CRISPLD2: variants seen among roughly 807,000 people sequenced by gnomAD.
The protein encoded by CRISPLD2 is cysteine-rich secretory protein LCCL domain-containing 2.
In CRISPLD2, 47 loss-of-function variants were observed where a neutral mutation model predicts 71.1. The observed-to-expected ratio is 0.66, with a 90% CI of 0.52 to 0.84. The LOEUF is 0.84. CRISPLD2 is among the 40% of genes least tolerant of loss of function. CRISPLD2 has a pLI of 0.00. For missense variants in CRISPLD2, 830 were observed against 651.1 expected (o/e 1.27, Z -2.99); for synonymous variants, 317 against 250.1 (o/e 1.27, Z -2.52).
chr16:84,877,169 C>G (rs980104957), intron 11 of CRISPLD2, among the ~76,000 whole-genome samples: 2 of 152,224 alleles, frequency 1.3e-5, no homozygotes, highest in Non-Finnish European at 2.9e-5. Context: ...AGTCACCATT[C>G]AGATGAAAAG....
intron 13 of CRISPLD2, 166 bp downstream of exon 13, chr16:84,880,750 G>T: frequency 1.9e-6 from 1 of 523,778 alleles, no homozygotes; most frequent in Non-Finnish European, 3.4e-6. Context: ...CTGTTGCCCA[G>T]GCTGGAGTAC....
intron 14 of CRISPLD2, among the ~76,000 whole-genome samples, chr16:84,896,446 G>A (rs1029325576): frequency 7.2e-5 from 11 of 152,076 alleles, no homozygotes; most frequent in East Asian, 1.9e-4. Flanking sequence ...ACTTAAGATC[G>A]TTCAACTTAT....
At position 84,873,164 on chromosome 16, in the gene CRISPLD2, G is replaced by A. The variant is rs754692266; in HGVS notation, c.1112+42G>A. 1.5e-5 allele frequency: 23 copies of A among 1,583,150 alleles called. No individual in the cohort carries two copies. The South Asian group carries it at 2.0e-4, about 14-fold the overall frequency. On this transcript the variant is annotated intron_variant, in intron 10 of 14. Transcript: ENST00000262424. The stretch of plus-strand genomic sequence containing the variant: ...CGGGGCTCTGTGAAACGGTTTTCCT[G>A]TTTATGACGGTGTTGTTGAAATTTT...
chr16:84,840,924 C>T (rs1387733711), intron 2 of CRISPLD2, among the ~76,000 whole-genome samples: 1 of 152,126 alleles, frequency 6.6e-6, no homozygotes, highest in Non-Finnish European at 1.5e-5. Context: ...CTGGTGAATT[C>T]TATGTATTTT....
chr16:84,835,193 C>G (rs1263785129), intron 1 of CRISPLD2, among the ~76,000 whole-genome samples: 1 of 152,116 alleles, frequency 6.6e-6, no homozygotes. Context: ...CAGGTTCAAG[C>G]AATTCTCCTG....
chr16:84,851,239 C>T (rs926605856), intron 5 of CRISPLD2, among the ~76,000 whole-genome samples: 3 of 152,226 alleles, frequency 2.0e-5, no homozygotes, highest in African/African-American at 7.2e-5. Flanking sequence ...TCTCTGTTTC[C>T]CTCCAAAGAG....
At chr16:84,840,375 A>G (rs942631520) in intron 2 of CRISPLD2, among the ~76,000 whole-genome samples, 4 of 152,248 alleles carry the variant, frequency 2.6e-5, no homozygotes, top group Non-Finnish European at 5.9e-5. Flanking sequence ...AGGCTCAGAG[A>G]GGTTCATCTT....
At chr16:84,869,274 A>T (rs2071445154) in intron 8 of CRISPLD2, among the ~76,000 whole-genome samples, 1 of 151,744 alleles carries the variant, frequency 6.6e-6, no homozygotes, top group Non-Finnish European at 1.5e-5. Context: ...TGGCAGTGTG[A>T]CTGCTGGGCT....
At chr16:84,863,327 G>A (rs1280927951) in intron 6 of CRISPLD2, among the ~76,000 whole-genome samples, 2 of 152,132 alleles carry the variant, frequency 1.3e-5, no homozygotes, top group African/African-American at 2.4e-5. Flanking sequence ...AACTTTCCTT[G>A]GCAGACACCC....
intron 1 of CRISPLD2, among the ~76,000 whole-genome samples, chr16:84,837,931 G>A (rs1488402918): frequency 6.6e-6 from 1 of 152,198 alleles, no homozygotes; most frequent in Non-Finnish European, 1.5e-5. Flanking sequence ...GGCGAGGGCC[G>A]TGATAAGAGG....
In CRISPLD2 at chr16:84,909,186, G is replaced by T. The variant is rs566977742; in HGVS notation, c.*2544G>T. 2.0e-5 allele frequency: 3 copies of T among 152,696 alleles called. No individual in the cohort carries two copies. The highest frequency in any genetic ancestry group is 4.1e-4 in the South Asian group (2 of 4,822). 9.5% of individuals were successfully genotyped at this position (152,696 alleles called of 1,614,324 possible). A position where few individuals can be genotyped will look rare whatever the true frequency, so the allele number is the denominator to read the frequency against. ...TTGTACCAAGCCAACGGCGTTCCTGGCTCTCCTGCCCACAGGATGAACATT... is the reference window on the plus strand; with the variant it reads ...TTGTACCAAGCCAACGGCGTTCCTGTCTCTCCTGCCCACAGGATGAACATT... On this transcript the variant is annotated 3_prime_UTR_variant, in exon 15 of 15. Transcript: ENST00000262424.
rs1567688979 is a variant in CRISPLD2 at position 84,854,719 on chromosome 16, CT to C, written c.609-9del. On this transcript the variant is annotated splice_polypyrimidine_tract_variant and intron_variant, in intron 5 of 14. Transcript: ENST00000262424. ...TTCCCTCTGACGGTTGTTTTTGGGT[CT>C]GTCCTCAGGGGGAACTGGATTGGAG... The C allele has an allele frequency of 4.3e-6, 7 of 1,611,284 alleles. No individual in the cohort carries two copies. Among genetic ancestry groups the C allele is most frequent in the Non-Finnish European group, 5.9e-6 (7 of 1,177,430 alleles).
chr16:84,866,248 T>TC (rs1041271239), intron 6 of CRISPLD2, among the ~76,000 whole-genome samples: 1 of 151,384 alleles, frequency 6.6e-6, no homozygotes, highest in Non-Finnish European at 1.5e-5. Context: ...GGTTTTTTTT[T>TC]TTGAGATGGA....
intron 14 of CRISPLD2, among the ~76,000 whole-genome samples, chr16:84,899,370 A>G (rs893281408): frequency 1.1e-4 from 16 of 152,220 alleles, no homozygotes; most frequent in African/African-American, 3.4e-4. Flanking sequence ...TCAGAGGGCA[A>G]GATTTGGGAA....
intron 9 of CRISPLD2, 146 bp from the exon 10 acceptor site, chr16:84,872,846 A>G: frequency 9.8e-7 from 1 of 1,020,012 alleles, no homozygotes; most frequent in Non-Finnish European, 1.4e-6. Flanking sequence ...GTGGTTACAG[A>G]CAGAGGCGAG....
chr16:84,877,782 G>T (rs1443027457), intron 12 of CRISPLD2, among the ~76,000 whole-genome samples: 1 of 152,206 alleles, frequency 6.6e-6, no homozygotes, highest in South Asian at 2.1e-4. Flanking sequence ...CCTGGGAGGC[G>T]GAGGTTGCAG....
chr16:84,906,740 A>G lies in CRISPLD2; in HGVS notation c.*98A>G. 1 of 1,379,438 alleles carries G rather than the reference A, an allele frequency of 7.2e-7. No homozygotes were observed. Among genetic ancestry groups the G allele is most frequent in the Non-Finnish European group, 1.0e-6 (1 of 968,588 alleles). 85.4% of individuals were successfully genotyped at this position (1,379,438 alleles called of 1,614,324 possible). A position where few individuals can be genotyped will look rare whatever the true frequency, so the allele number is the denominator to read the frequency against. The stretch of plus-strand genomic sequence containing the variant: ...TTGCGGGGTATATGGAGAGTCAGGA[A>G]ACTTCCTTTGACTGATGTTCAGTGT... On this transcript the variant is annotated 3_prime_UTR_variant, in exon 15 of 15. Coordinates refer to ENST00000262424, the MANE Select transcript of CRISPLD2 (RefSeq NM_031476.4).
At chr16:84,888,727 C>T (rs2071635077) in intron 13 of CRISPLD2, among the ~76,000 whole-genome samples, 2 of 152,210 alleles carry the variant, frequency 1.3e-5, no homozygotes, top group South Asian at 4.1e-4. Context: ...CGAGCCTTTC[C>T]CTCTGCCTGG....
At chr16:84,864,264 A>G (rs754334493) in intron 6 of CRISPLD2, among the ~76,000 whole-genome samples, 2 of 152,206 alleles carry the variant, frequency 1.3e-5, no homozygotes, top group Admixed American at 1.3e-4. Context: ...GATCCAGCCC[A>G]TCCTGCGGGT....
Sources: allele counts gnomAD v4.1 joint callset (sites outside exome capture counted in the v4.1 genomes callset), GRCh38; gene constraint gnomAD v4.1.1; transcripts MANE v1.5; gene names NCBI Gene and HGNC (gene_info 2026-07-23, HGNC 2026-07-21).